The following BCAR3 variants were observed in gnomAD, a reference collection of about 807,000 sequenced individuals.
BCAR3 encodes breast cancer anti-estrogen resistance protein 3.
A neutral mutation model predicts 80.1 loss-of-function variants in BCAR3; 37 were observed. The ratio of observed to expected loss-of-function variants is 0.46; its 90% CI spans 0.36 to 0.61. The LOEUF (loss-of-function observed/expected upper bound fraction) is 0.61, where lower values mean the gene tolerates loss of function less well. BCAR3 is among the 20% of genes least tolerant of loss of function. The probability of loss-of-function intolerance (pLI) is 0.00; values close to 1 mark genes in which losing one functional copy is unlikely to be tolerated. For missense variants in BCAR3, 978 were observed against 1,068.2 expected, an observed-to-expected ratio of 0.92 and a Z score of 1.18; for synonymous variants, 389 against 418.9, an observed-to-expected ratio of 0.93 and a Z score of 0.87.
chr1:93,566,847 C>T (rs1451968614), intron 11 of BCAR3, among the ~76,000 whole-genome samples: 1 of 152,170 alleles, frequency 6.6e-6, no homozygotes, highest in Admixed American at 6.5e-5. Flanking sequence ...CCTGCCTCAG[C>T]CTCCTGAGTA....
chr1:93,648,639 A>T (rs1676223920), intron 2 of BCAR3: 1 of 152,184 alleles, frequency 6.6e-6, no homozygotes, highest in East Asian at 1.9e-4. Context: ...ATTTCCTCCT[A>T]CTTGTGATTA....
intron 2 of BCAR3, among the ~76,000 whole-genome samples, chr1:93,732,563 G>A (rs1182318731): frequency 6.6e-6 from 1 of 152,120 alleles, no homozygotes; most frequent in African/African-American, 2.4e-5. Context: ...GTTGCAGTGA[G>A]CTGAGATCAC....
chr1:93,738,995 C>G (rs1410773795), intron 2 of BCAR3, among the ~76,000 whole-genome samples: 1 of 152,094 alleles, frequency 6.6e-6, no homozygotes, highest in Non-Finnish European at 1.5e-5. Context: ...CCCACCCAAG[C>G]AACTGGTGGA....
intron 2 of BCAR3, among the ~76,000 whole-genome samples, chr1:93,711,102 G>C (rs572717002): frequency 4.0e-4 from 61 of 152,322 alleles, no homozygotes; most frequent in African/African-American, 1.3e-3. Context: ...GAGAGAGAAG[G>C]CACCCAAAAT....
At chr1:93,702,580 C>A (rs1649683637) in intron 3 of BCAR3, among the ~76,000 whole-genome samples, 1 of 152,184 alleles carries the variant, frequency 6.6e-6, no homozygotes, top group East Asian at 1.9e-4. Flanking sequence ...GGGGGATGTC[C>A]CCTGTCTTCG....
At chr1:93,824,599 A>C in intron 2 of BCAR3, among the ~76,000 whole-genome samples, 2 of 128,418 alleles carry the variant, frequency 1.6e-5, no homozygotes, top group African/African-American at 2.6e-5. Context: ...TACCCCCACC[A>C]CCTCTCTCCC....
chr1:93,739,431 C>A (rs978733863), intron 2 of BCAR3, among the ~76,000 whole-genome samples: 2 of 152,266 alleles, frequency 1.3e-5, no homozygotes, highest in African/African-American at 2.4e-5. Context: ...TGATTAAAAT[C>A]TTTATGTTTT....
At chr1:93,709,782 C>G (rs1421651282) in intron 2 of BCAR3, among the ~76,000 whole-genome samples, 1 of 152,182 alleles carries the variant, frequency 6.6e-6, no homozygotes, top group Non-Finnish European at 1.5e-5. Flanking sequence ...AAGTCTTTAT[C>G]TGATCAACTC....
At chr1:93,701,778 T>C (rs1264401931) in intron 3 of BCAR3, among the ~76,000 whole-genome samples, 2 of 152,196 alleles carry the variant, frequency 1.3e-5, no homozygotes, top group Non-Finnish European at 1.5e-5. Flanking sequence ...AGGACTGAAC[T>C]GGGCCCAGCA....
intron 3 of BCAR3, among the ~76,000 whole-genome samples, chr1:93,637,100 A>G (rs948689387): frequency 6.6e-6 from 1 of 152,100 alleles, no homozygotes; most frequent in African/African-American, 2.4e-5. Flanking sequence ...TGTCTCAAAA[A>G]ACAAAACAAA....
chr1:93,801,795 G>C (rs1464985182), intron 2 of BCAR3, among the ~76,000 whole-genome samples: 1 of 152,092 alleles, frequency 6.6e-6, no homozygotes, highest in East Asian at 1.9e-4. Flanking sequence ...ATATAGTAAG[G>C]CAACATAGTA....
At chr1:93,845,466 A>ATT (rs1655121954) in intron 2 of BCAR3, 1 of 2,158 alleles carries the variant, frequency 4.6e-4, no homozygotes, top group Non-Finnish European at 8.2e-4. Context: ...ACAATTTTAT[A>ATT]TATATATATA....
intron 2 of BCAR3, among the ~76,000 whole-genome samples, chr1:93,801,439 A>G (rs1653476558): frequency 6.6e-6 from 1 of 152,250 alleles, no homozygotes; most frequent in Non-Finnish European, 1.5e-5. Context: ...AAATTAAAAT[A>G]GAATCATTCT....
Position 93,642,307 on chromosome 1 carries a change from C to T in BCAR3, c.354G>A (p.Val118=). The T allele has an allele frequency of 6.2e-7, 1 of 1,613,688 alleles. No individual in the cohort carries two copies. Residue 118 remains valine (V), a synonymous_variant, in exon 3 of 12, where the codon GTG becomes GTA. Coordinates refer to ENST00000260502, the MANE Select transcript of BCAR3 (RefSeq NM_003567.4). ...PHLLDPTVEY[V]KFSKERHIMD... is the part of the protein sequence containing the mutation. ...ATGTTTAATTCTCATTTCCTACCTT[C>T]ACATATTCCACAGTTGGGTCCAGAA... is the stretch of plus-strand genomic sequence containing the variant.
At chr1:93,684,073 T>G (rs1648891635), upstream of BCAR3, among the ~76,000 whole-genome samples, 1 of 152,200 alleles carries the variant, frequency 6.6e-6, no homozygotes, top group East Asian at 1.9e-4. Context: ...GGGTTAGTCT[T>G]TATCCTTCCT....
chr1:93,704,100 C>T (rs1356661573), intron 3 of BCAR3, among the ~76,000 whole-genome samples: 1 of 152,138 alleles, frequency 6.6e-6, no homozygotes, highest in East Asian at 1.9e-4. Flanking sequence ...CAGCACAGGG[C>T]TAGTGAGAGA....
chr1:93,658,856 G>A (rs967978451), intron 2 of BCAR3, among the ~76,000 whole-genome samples: 1 of 152,172 alleles, frequency 6.6e-6, no homozygotes, highest in Non-Finnish European at 1.5e-5. Context: ...TAAGATGAGT[G>A]TAGCCAGTAG....
chr1:93,567,442 C>A lies in BCAR3; in HGVS notation c.2136G>T (p.Pro712=), dbSNP rs149267841. 20 of 1,614,176 alleles carry A rather than the reference C, an allele frequency of 1.2e-5. No individual in the cohort carries two copies. Among genetic ancestry groups the A allele is most frequent in the Non-Finnish European group, 1.7e-5 (20 of 1,180,026 alleles). The stretch of plus-strand genomic sequence containing the variant: ...CCTGGCGCTCCATTAACGTCACAAG[C>A]GGCATCAGCAGTGGGACTGATACAT... ...PNNVSVPLLM[P]LVTLMERQAV... The change falls in exon 11 of 12, where the codon CCG becomes CCT. Residue 712 remains proline (P), a synonymous_variant. Transcript: ENST00000260502.
At chr1:93,685,367 G>GTGTA (rs1648939845), upstream of BCAR3, among the ~76,000 whole-genome samples, 4 of 152,142 alleles carry the variant, frequency 2.6e-5, no homozygotes, top group South Asian at 8.3e-4. Context: ...GTGTGTGTGT[G>GTGTA]TGTGTATGTG....
Sources: gnomAD v4.1 joint callset for allele counts (sites outside exome capture counted in the v4.1 genomes callset) on GRCh38, gnomAD v4.1.1 for gene constraint, MANE v1.5 for transcripts, NCBI Gene and HGNC (gene_info 2026-07-23, HGNC 2026-07-21) for gene names.